Variants in RPS6KA5 observed in about 807,000 individuals in gnomAD.
RPS6KA5 encodes the protein ribosomal protein S6 kinase A5, also known as ribosomal protein S6 kinase alpha-5.
A neutral mutation model predicts 85.5 loss-of-function variants in RPS6KA5; 27 were observed. That is an observed-to-expected ratio of 0.32 (90% CI 0.23 to 0.44). The LOEUF (loss-of-function observed/expected upper bound fraction) is 0.44, where lower values mean the gene tolerates loss of function less well. RPS6KA5 is among the 20% of genes least tolerant of loss of function. RPS6KA5 has a pLI of 1.00. For synonymous variants in RPS6KA5, 334 were observed against 348.2 expected (o/e 0.96, Z 0.46); for missense variants, 811 against 980.9 (o/e 0.83, Z 2.31).
Position 90,952,116 on chromosome 14 carries a change from C to T in RPS6KA5, c.395-4566G>A, listed in dbSNP as rs138781152. 1.4e-4 allele frequency among the ~76,000 whole-genome samples: 21 copies of T among 152,302 alleles called. No individual in the cohort carries two copies. In the East Asian group the frequency reaches 2.7e-3, roughly 20 times the overall value. On this transcript the variant is annotated intron_variant, in intron 3 of 16. Coordinates refer to ENST00000614987, the MANE Select transcript of RPS6KA5 (RefSeq NM_004755.4). ...AGAGAACATCAGGCATTGCCACCGC[C>T]GCTCCTCTCCCTATCAATGTACATT...
rs766033940 is a variant in RPS6KA5, at chr14:90,900,201, T to G, written c.1286A>C (p.Asp429Ala). ...FYQHYDLDLK[D>A]KPLGEGSFSI... ...AAAACTACCTTCTCCCAGGGGTTTG[T>G]CCTTCAAATCTAGGTCATAGTGTTG... The change falls in exon 11 of 17, where the codon GAC (aspartate) becomes GCC (alanine). Residue 429 changes from aspartate to alanine, a missense_variant. Around this residue, in one of 3 missense-constraint regions of RPS6KA5, gnomAD observed 650 missense variants for 793.4 expected, o/e 0.82. Coordinates refer to ENST00000614987, the MANE Select transcript of RPS6KA5 (RefSeq NM_004755.4). The G allele has an allele frequency of 2.5e-6, 4 of 1,604,888 alleles. No individual in the cohort carries two copies. In the South Asian group the frequency reaches 4.5e-5, roughly 18 times the overall value.
At chr14:90,939,602 T>C (rs1312933162) in intron 5 of RPS6KA5, among the ~76,000 whole-genome samples, 2 of 152,214 alleles carry the variant, frequency 1.3e-5, no homozygotes, top group Non-Finnish European at 2.9e-5. Flanking sequence ...AGTCATGTCT[T>C]ACATGGATAG....
chr14:90,887,728 G>A (rs1022296733), intron 14 of RPS6KA5, among the ~76,000 whole-genome samples: 12 of 151,426 alleles, frequency 7.9e-5, no homozygotes, highest in East Asian at 5.8e-4. Context: ...AGGCCGAGGC[G>A]GGAGGATCAC....
intron 1 of RPS6KA5, among the ~76,000 whole-genome samples, chr14:91,036,208 T>G (rs986123422): frequency 6.6e-6 from 1 of 152,170 alleles, no homozygotes; most frequent in East Asian, 1.9e-4. Context: ...ATAACCAACC[T>G]GTATGGACAG....
rs531226206 is a variant in RPS6KA5, at chr14:90,859,939, C to T, written c.*12135G>A. The stretch of plus-strand genomic sequence containing the variant: ...GAACACATGGAAACAGGGAGGGGAA[C>T]ATCACACGCTGGGGCCTGTCGGGGG... On this transcript the variant is annotated 3_prime_UTR_variant, in exon 17 of 17. Coordinates refer to ENST00000614987, the MANE Select transcript of RPS6KA5 (RefSeq NM_004755.4). The T allele has an allele frequency of 2.9e-5, 4 of 138,076 alleles. No homozygotes were observed. The highest frequency in any genetic ancestry group is 2.4e-4 in the South Asian group (1 of 4,142). The allele number at this position is 138,076 out of a possible 1,614,324, so 8.6% of individuals were successfully genotyped here.
At chr14:90,983,445 C>G (rs1199978486) in intron 2 of RPS6KA5, among the ~76,000 whole-genome samples, 1 of 151,066 alleles carries the variant, frequency 6.6e-6, no homozygotes, top group African/African-American at 2.4e-5. Flanking sequence ...ACAAAGAACA[C>G]AAAAATTATG....
intron 9 of RPS6KA5, among the ~76,000 whole-genome samples, chr14:90,902,036 T>G (rs2035199492): frequency 6.8e-6 from 1 of 146,896 alleles, no homozygotes. Flanking sequence ...TTTAATTAGG[T>G]GGGTGTGGTG....
chr14:91,060,420 A>G lies in RPS6KA5; in HGVS notation c.15T>C (p.Gly5=). 1 of 1,495,836 alleles carries G rather than the reference A, an allele frequency of 6.7e-7. No homozygotes were observed. Among genetic ancestry groups the G allele is most frequent in the Non-Finnish European group, 9.0e-7 (1 of 1,114,856 alleles). 92.7% of individuals were successfully genotyped at this position (1,495,836 alleles called of 1,614,324 possible). The change falls in exon 1 of 17, where the codon GGT becomes GGC. Residue 5 remains glycine, a synonymous_variant. Transcript: ENST00000614987. ...TCCCCGCGGCGCCGCCGCTGCTGCC[A>G]CCCTCCTCCTCCATCTTCTCCTTTT... is the stretch of plus-strand genomic sequence containing the variant. MEEE[G]GSSGGAAGTS...
intron 14 of RPS6KA5, among the ~76,000 whole-genome samples, chr14:90,875,834 T>C (rs1595099492): frequency 2.2e-5 from 3 of 134,988 alleles, no homozygotes; most frequent in Admixed American, 8.7e-5. Flanking sequence ...TTCTCACTCA[T>C]AGGTGGGAAT....
chr14:91,003,592 T>C (rs1053109975), intron 1 of RPS6KA5, among the ~76,000 whole-genome samples: 3 of 152,206 alleles, frequency 2.0e-5, no homozygotes, highest in Admixed American at 2.0e-4. Context: ...GTACTCAGGG[T>C]TGAAGGTTTC....
intron 1 of RPS6KA5, among the ~76,000 whole-genome samples, chr14:91,025,048 C>CT (rs142091860): frequency 3.0e-4 from 43 of 145,308 alleles, no homozygotes; most frequent in South Asian, 4.4e-4. Context: ...GCCAGTCTAA[C>CT]TTTTTTTTTT....
At chr14:90,891,527 T>A (rs1340708022) in intron 13 of RPS6KA5, among the ~76,000 whole-genome samples, 2 of 152,122 alleles carry the variant, frequency 1.3e-5, no homozygotes, top group East Asian at 3.8e-4. Context: ...TCTGATTATA[T>A]CGTCTTTAGG....
chr14:90,896,756 T>TATCA (rs2034857209), intron 12 of RPS6KA5, among the ~76,000 whole-genome samples: 1 of 152,198 alleles, frequency 6.6e-6, no homozygotes, highest in South Asian at 2.1e-4. Context: ...GGTCTCACTC[T>TATCA]ATCACCCAGG....
intron 3 of RPS6KA5, among the ~76,000 whole-genome samples, chr14:90,948,328 G>C (rs531950658): frequency 6.6e-6 from 1 of 152,266 alleles, no homozygotes; most frequent in Admixed American, 6.5e-5. Flanking sequence ...ATTAATGTTA[G>C]AAACTGCTCA....
chr14:90,870,369 A>C lies in RPS6KA5; in HGVS notation c.*1705T>G, dbSNP rs2033019760. On this transcript the variant is annotated 3_prime_UTR_variant, in exon 17 of 17. Transcript: ENST00000614987. Reference sequence around the variant, plus strand: ...GGGAGTAGAAAACTTTCATTAACTCAATATTATGTAGCCATTTGGGCCAGC... The same window carrying C: ...GGGAGTAGAAAACTTTCATTAACTCCATATTATGTAGCCATTTGGGCCAGC... 1 of 152,194 alleles carries C rather than the reference A, an allele frequency of 6.6e-6. No homozygotes were observed. The highest frequency in any genetic ancestry group is 6.6e-5 in the Admixed American group (1 of 15,264). 9.4% of individuals were successfully genotyped at this position (152,194 alleles called of 1,614,324 possible). A position where few individuals can be genotyped will look rare whatever the true frequency, so the allele number is the denominator to read the frequency against.
Position 90,873,757 on chromosome 14 carries a change from A to G in RPS6KA5, c.2035T>C (p.Ser679Pro). The G allele has an allele frequency of 6.2e-7, 1 of 1,614,104 alleles. No individual in the cohort carries two copies. Among genetic ancestry groups the G allele is most frequent in the Non-Finnish European group, 8.5e-7 (1 of 1,179,976 alleles). Residue 679 changes from serine (S) to proline (P), a missense_variant, in exon 16 of 17, where the codon TCT becomes CCT. Physicochemically the swap from Ser to Pro is moderately conservative, Grantham distance 74. Around this residue, in one of 3 missense-constraint regions of RPS6KA5, gnomAD observed 650 missense variants for 793.4 expected, o/e 0.82. Transcript: ENST00000614987. ...TVDPNKRLKM[S>P]GLRYNEWLQD... ...AGCCATTCATTGTACCTCAAGCCAG[A>G]CATTTTAAGCCTTTTGTTTGGATCT...
intron 14 of RPS6KA5, among the ~76,000 whole-genome samples, chr14:90,875,675 G>A (rs896396848): frequency 6.6e-6 from 1 of 151,778 alleles, no homozygotes; most frequent in African/African-American, 2.4e-5. Context: ...ACGATAGACT[G>A]GATTAAGAAA....
In RPS6KA5 at chr14:91,022,673, G is replaced by A. The variant is rs143125931; in HGVS notation, c.104-21514C>T. Among the ~76,000 whole-genome samples, 5 of 152,330 alleles carry A rather than the reference G, an allele frequency of 3.3e-5. No individual in the cohort carries two copies. In the East Asian group the frequency reaches 9.6e-4, roughly 29 times the overall value. ...TGTGTTACATTTCAAGGAACTAGAT[G>A]TTTGCTATGACTTCAAGTGAAATTG... On this transcript the variant is annotated intron_variant, in intron 1 of 16. Transcript: ENST00000614987.
intron 5 of RPS6KA5, among the ~76,000 whole-genome samples, chr14:90,935,452 A>G (rs1220931694): frequency 1.3e-5 from 2 of 152,208 alleles, no homozygotes; most frequent in Non-Finnish European, 2.9e-5. Context: ...TTGTGTCTGT[A>G]TGATAATTCT....
Sources: allele counts gnomAD v4.1 joint callset (sites outside exome capture counted in the v4.1 genomes callset), GRCh38; gene constraint gnomAD v4.1.1; regional missense constraint gnomAD v4.1.1; transcripts MANE v1.5; gene names NCBI Gene and HGNC (gene_info 2026-07-23, HGNC 2026-07-21).